Variants in SERGEF observed in about 807,000 individuals in gnomAD.
SERGEF encodes the protein secretion regulating guanine nucleotide exchange factor.
A neutral mutation model predicts 50.0 loss-of-function variants in SERGEF; 51 were observed. The ratio of observed to expected loss-of-function variants is 1.02; its 90% CI spans 0.81 to 1.29. The LOEUF is 1.29. Ranked by LOEUF, SERGEF falls within the 50% of genes most tolerant of loss-of-function variation. SERGEF has a pLI of 0.00. For missense variants in SERGEF, 521 were observed against 557.0 expected, an observed-to-expected ratio of 0.94 and a Z score of 0.65; for synonymous variants, 205 against 212.4, an observed-to-expected ratio of 0.97 and a Z score of 0.30.
At chr11:18,000,312 G>T (rs1181984441) in intron 5 of SERGEF, among the ~76,000 whole-genome samples, 185 bp downstream of exon 5, 3 of 152,054 alleles carry the variant, frequency 2.0e-5, no homozygotes, top group African/African-American at 7.2e-5. Context: ...AGCAGGGCAT[G>T]GTGGCATGCA....
intron 1 of SERGEF, among the ~76,000 whole-genome samples, chr11:18,010,743 C>T (rs1854177468): frequency 6.6e-6 from 1 of 152,238 alleles, no homozygotes. Flanking sequence ...CTCTGCTTTG[C>T]TCACTGCTGT....
intron 10 of SERGEF, among the ~76,000 whole-genome samples, chr11:17,871,741 G>C (rs1851141218): frequency 1.3e-5 from 2 of 152,138 alleles, no homozygotes; most frequent in Admixed American, 1.3e-4. Context: ...AAATCAGTGA[G>C]ATTCCACACT....
At chr11:18,003,538 A>G (rs211136) in intron 4 of SERGEF, among the ~76,000 whole-genome samples, 77,893 of 151,980 alleles carry the variant, frequency 0.51, 20,953 homozygotes, top group African/African-American at 0.69. Context: ...TACCTTGTTA[A>G]TAATTTTTAT....
intron 6 of SERGEF, among the ~76,000 whole-genome samples, chr11:17,994,652 A>G (rs569185461): frequency 2.0e-3 from 307 of 152,184 alleles, no homozygotes; most frequent in African/African-American, 7.3e-3. Flanking sequence ...TGAGAAGTCC[A>G]AGTTTACATT....
At chr11:17,834,573 TG>T (rs1850369399) in intron 10 of SERGEF, among the ~76,000 whole-genome samples, 1 of 152,204 alleles carries the variant, frequency 6.6e-6, no homozygotes, top group African/African-American at 2.4e-5. Context: ...TGCTTTACCC[TG>T]GAACATCTGA....
At chr11:17,859,964 A>G (rs1036616911) in intron 10 of SERGEF, among the ~76,000 whole-genome samples, 1 of 152,224 alleles carries the variant, frequency 6.6e-6, no homozygotes, top group Non-Finnish European at 1.5e-5. Context: ...AGACTAATCT[A>G]AAGAAGAAGG....
intron 8 of SERGEF, among the ~76,000 whole-genome samples, chr11:17,980,752 T>C (rs1043901039): frequency 6.6e-6 from 1 of 152,250 alleles, no homozygotes; most frequent in Non-Finnish European, 1.5e-5. Context: ...AACCAATCTC[T>C]CTTCAATTTT....
At chr11:17,817,186 T>C (rs769207831) in intron 10 of SERGEF, among the ~76,000 whole-genome samples, 8 of 151,752 alleles carry the variant, frequency 5.3e-5, no homozygotes, top group Admixed American at 2.6e-4. Flanking sequence ...TACTATTAGA[T>C]ACTATTACTC....
At chr11:17,886,146 G>A (rs918058808) in intron 9 of SERGEF, among the ~76,000 whole-genome samples, 18 of 152,098 alleles carry the variant, frequency 1.2e-4, no homozygotes, top group Middle Eastern at 3.4e-3. Context: ...TCTGTAAAAC[G>A]GAATTCAAAC....
intron 9 of SERGEF, among the ~76,000 whole-genome samples, chr11:17,896,903 GAA>G: frequency 1.9e-5 from 1 of 52,410 alleles, no homozygotes; most frequent in Non-Finnish European, 3.4e-5. Flanking sequence ...GAAGGGAAGG[GAA>G]GGGAAGGGAA....
At chr11:17,955,012 A>G (rs182966644) in intron 9 of SERGEF, among the ~76,000 whole-genome samples, 307 of 152,364 alleles carry the variant, frequency 2.0e-3, no homozygotes, top group African/African-American at 7.1e-3. Flanking sequence ...GTGATGGGAC[A>G]GGCTAGACAG....
At chr11:18,006,535 A>T in intron 3 of SERGEF, 56 bp downstream of exon 3, 1 of 1,518,828 alleles carries the variant, frequency 6.6e-7, no homozygotes, top group South Asian at 1.2e-5. Flanking sequence ...CCATCATCAT[A>T]CTGTTCTCAC....
At chr11:17,933,774 C>T (rs1288182940) in intron 9 of SERGEF, among the ~76,000 whole-genome samples, 1 of 150,858 alleles carries the variant, frequency 6.6e-6, no homozygotes, top group African/African-American at 2.4e-5. Flanking sequence ...AGTAGGAAAA[C>T]TGGAAAATAG....
At chr11:17,798,788 T>A (rs1347598201) in intron 10 of SERGEF, among the ~76,000 whole-genome samples, 2 of 152,186 alleles carry the variant, frequency 1.3e-5, no homozygotes, top group Non-Finnish European at 2.9e-5. Flanking sequence ...TATGATCACA[T>A]ATGGCGTTAT....
chr11:17,962,177 T>A (rs1444158056), intron 8 of SERGEF, among the ~76,000 whole-genome samples: 1 of 152,174 alleles, frequency 6.6e-6, no homozygotes, highest in Non-Finnish European at 1.5e-5. Flanking sequence ...ATTTTTACAA[T>A]GTTTGAGGAA....
At chr11:17,795,492 G>A (rs1849557688) in intron 10 of SERGEF, among the ~76,000 whole-genome samples, 2 of 152,140 alleles carry the variant, frequency 1.3e-5, no homozygotes, top group South Asian at 2.1e-4. Flanking sequence ...CCTGGTCTAG[G>A]TCCTCCCATG....
intron 10 of SERGEF, among the ~76,000 whole-genome samples, chr11:17,867,431 G>GGTGGGTTCCCATGGTC (rs1156546451): frequency 1.3e-5 from 2 of 152,256 alleles, no homozygotes; most frequent in Non-Finnish European, 2.9e-5. Context: ...GATGTTAACA[G>GGTGGGTTCCCATGGTC]GTGGGTTCCC....
At chr11:17,837,801 C>T (rs891601121) in intron 10 of SERGEF, among the ~76,000 whole-genome samples, 1 of 151,630 alleles carries the variant, frequency 6.6e-6, no homozygotes, top group Admixed American at 6.6e-5. Flanking sequence ...TCTGGGATCA[C>T]AGGTGTGTGC....
intron 10 of SERGEF, among the ~76,000 whole-genome samples, chr11:17,800,598 A>T (rs1293013407): frequency 6.6e-6 from 1 of 152,178 alleles, no homozygotes; most frequent in African/African-American, 2.4e-5. Flanking sequence ...CTCTAATGGG[A>T]GAAACAACAA....
Sources: gnomAD v4.1 joint callset for allele counts (sites outside exome capture counted in the v4.1 genomes callset) on GRCh38, gnomAD v4.1.1 for gene constraint, MANE v1.5 for transcripts, NCBI Gene and HGNC (gene_info 2026-07-23, HGNC 2026-07-21) for gene names.